ITGA6: variants seen among roughly 807,000 people sequenced by gnomAD.
ITGA6 encodes integrin subunit alpha 6.
A neutral mutation model predicts 133.6 loss-of-function variants in ITGA6; 63 were observed. The observed-to-expected ratio is 0.47, with a 90% CI of 0.38 to 0.58. The LOEUF (loss-of-function observed/expected upper bound fraction) is 0.58, where lower values mean the gene tolerates loss of function less well. ITGA6 is among the 20% of genes least tolerant of loss of function. The pLI is 0.00. For missense variants in ITGA6, 1,068 were observed against 1,309.4 expected, an observed-to-expected ratio of 0.82 and a Z score of 2.85; for synonymous variants, 434 against 482.0, an observed-to-expected ratio of 0.90 and a Z score of 1.30.
intron 11 of ITGA6, 102 bp from the exon 12 acceptor site, chr2:172,484,680 A>G (rs781334034): frequency 1.1e-4 from 102 of 946,248 alleles, no homozygotes; most frequent in Non-Finnish European, 1.5e-4. Flanking sequence ...AACAATGGCA[A>G]TGTTTTCTAC....
At chr2:172,432,805 T>G (rs576740679) in intron 1 of ITGA6, among the ~76,000 whole-genome samples, 1 of 152,254 alleles carries the variant, frequency 6.6e-6, no homozygotes, top group East Asian at 1.9e-4. Flanking sequence ...GGTGGTTGGT[T>G]GTTATGAGGC....
At chr2:172,454,230 C>T (rs531230162) in intron 1 of ITGA6, among the ~76,000 whole-genome samples, 3 of 151,890 alleles carry the variant, frequency 2.0e-5, no homozygotes, top group African/African-American at 4.8e-5. Context: ...ACTACAGGTG[C>T]GTGCCACCGT....
intron 3 of ITGA6, among the ~76,000 whole-genome samples, chr2:172,468,682 T>C (rs1257524285): frequency 6.6e-6 from 1 of 152,186 alleles, no homozygotes; most frequent in East Asian, 1.9e-4. Flanking sequence ...TAGCTGTGTT[T>C]GTTTGATCCC....
intron 1 of ITGA6, among the ~76,000 whole-genome samples, chr2:172,444,279 T>A (rs1389363168): frequency 6.6e-6 from 1 of 152,140 alleles, no homozygotes; most frequent in Non-Finnish European, 1.5e-5. Flanking sequence ...TTTCTGGAGG[T>A]AGTAGCTGCT....
chr2:172,478,392 A>G (rs1220124464), intron 9 of ITGA6, among the ~76,000 whole-genome samples: 1 of 152,198 alleles, frequency 6.6e-6, no homozygotes, highest in Non-Finnish European at 1.5e-5. Context: ...TGGGTTTACC[A>G]CAAGCCCATC....
In ITGA6 at chr2:172,463,167, C is replaced by T. The variant is rs1233535899; in HGVS notation, c.183-2372C>T. Reference sequence around the variant, plus strand: ...TTATTCATCCTAGGAGGCTCTTAATCAGCGTTTGTTGAGTGAATAGGTGAA... The same window carrying T: ...TTATTCATCCTAGGAGGCTCTTAATTAGCGTTTGTTGAGTGAATAGGTGAA... On this transcript the variant is annotated intron_variant, in intron 1 of 25. Coordinates refer to ENST00000684293, the MANE Select transcript of ITGA6 (RefSeq NM_000210.4). Among the ~76,000 whole-genome samples, 4 of 152,182 alleles carry T rather than the reference C, an allele frequency of 2.6e-5. No homozygotes were observed. The East Asian group carries it at 5.8e-4, about 22-fold the overall frequency.
chr2:172,457,965 G>A (rs1222489395), intron 1 of ITGA6, among the ~76,000 whole-genome samples: 1 of 152,084 alleles, frequency 6.6e-6, no homozygotes, highest in African/African-American at 2.4e-5. Flanking sequence ...AGTTCATCAT[G>A]TGCCCCTCCC....
In ITGA6 at chr2:172,505,594, C is replaced by A. The variant is rs941157155; in HGVS notation, c.*1526C>A. The A allele has an allele frequency of 1.3e-5, 2 of 152,368 alleles. No individual in the cohort carries two copies. The highest frequency in any genetic ancestry group is 4.8e-5 in the African/African-American group (2 of 41,360). 9.4% of individuals were successfully genotyped at this position (152,368 alleles called of 1,614,324 possible). A position where few individuals can be genotyped will look rare whatever the true frequency, so the allele number is the denominator to read the frequency against. ...TATGAAAGCTGATTTTTTTTAATTA[C>A]CATGCTTCACAATGTTAAGTTATAT... is the stretch of plus-strand genomic sequence containing the variant. On this transcript the variant is annotated 3_prime_UTR_variant, in exon 26 of 26. Transcript: ENST00000684293.
chr2:172,450,604 A>G (rs367901776), intron 1 of ITGA6, among the ~76,000 whole-genome samples: 8 of 152,196 alleles, frequency 5.3e-5, no homozygotes, highest in East Asian at 3.9e-4. Context: ...TGAAGAATCA[A>G]TGATGACTTC....
At chr2:172,462,902 T>A (rs141081232) in intron 1 of ITGA6, among the ~76,000 whole-genome samples, 130 of 152,274 alleles carry the variant, frequency 8.5e-4, no homozygotes, top group African/African-American at 3.1e-3. Context: ...GTCCCTCTTC[T>A]CCCTTTTCTC....
At chr2:172,457,238 T>C (rs1685244730) in intron 1 of ITGA6, among the ~76,000 whole-genome samples, 1 of 137,624 alleles carries the variant, frequency 7.3e-6, no homozygotes, top group Non-Finnish European at 1.5e-5. Flanking sequence ...GAGGTTGAAG[T>C]GAGCCGAGAT....
At chr2:172,446,832 C>T (rs2149010404) in intron 1 of ITGA6, among the ~76,000 whole-genome samples, 1 of 152,318 alleles carries the variant, frequency 6.6e-6, no homozygotes, top group East Asian at 1.9e-4. Context: ...TTTATTGTGG[C>T]TCTTTAAGAG....
At chr2:172,483,951 C>T (rs1339324020) in intron 11 of ITGA6, among the ~76,000 whole-genome samples, 4 of 152,176 alleles carry the variant, frequency 2.6e-5, no homozygotes, top group African/African-American at 9.7e-5. Flanking sequence ...GCTGGGATTA[C>T]AGGCATGCGC....
chr2:172,435,508 G>A (rs1157164585), intron 1 of ITGA6, among the ~76,000 whole-genome samples: 1 of 151,718 alleles, frequency 6.6e-6, no homozygotes, highest in Admixed American at 6.6e-5. Context: ...AGAGATTAGA[G>A]ATAGGTAGGA....
At chr2:172,447,986 A>G (rs1402428236) in intron 1 of ITGA6, among the ~76,000 whole-genome samples, 1 of 152,102 alleles carries the variant, frequency 6.6e-6, no homozygotes, top group African/African-American at 2.4e-5. Flanking sequence ...AAGTCCAGAC[A>G]CTCAGTCTGG....
intron 9 of ITGA6, among the ~76,000 whole-genome samples, chr2:172,477,831 T>G (rs1686243910): frequency 6.6e-6 from 1 of 152,230 alleles, no homozygotes; most frequent in Non-Finnish European, 1.5e-5. Flanking sequence ...GAGGACAGAA[T>G]GTAGCACCTA....
Position 172,504,482 on chromosome 2 carries a change from T to A in ITGA6, c.*414T>A, listed in dbSNP as rs562683262. On this transcript the variant is annotated 3_prime_UTR_variant, in exon 26 of 26. Coordinates refer to ENST00000684293, the MANE Select transcript of ITGA6 (RefSeq NM_000210.4). The stretch of plus-strand genomic sequence containing the variant: ...TGGATTTTTCTTTAACTGCCGTAAT[T>A]TAACTTTCTGGGTTGCCTTTATTTT... 7.8e-6 allele frequency: 3 copies of A among 386,746 alleles called. No individual in the cohort carries two copies. In the Admixed American group the frequency reaches 1.3e-4, roughly 17 times the overall value. The allele number at this position is 386,746 out of a possible 1,614,324, so 24.0% of individuals were successfully genotyped here.
intron 9 of ITGA6, 126 bp from the exon 10 acceptor site, chr2:172,479,515 A>C (rs1161344129): frequency 2.5e-6 from 2 of 792,564 alleles, no homozygotes; most frequent in Non-Finnish European, 4.5e-6. Flanking sequence ...GGAAAACGTC[A>C]CGTGTATTTT....
rs893584011 is a variant in ITGA6 at position 172,427,701 on chromosome 2, C to T, written c.-88C>T. 7.3e-6 allele frequency: 10 copies of T among 1,376,044 alleles called. No homozygotes were observed. The highest frequency in any genetic ancestry group is 3.8e-5 in the Admixed American group (1 of 26,028). 85.2% of individuals were successfully genotyped at this position (1,376,044 alleles called of 1,614,324 possible). A position where few individuals can be genotyped will look rare whatever the true frequency, so the allele number is the denominator to read the frequency against. On this transcript the variant is annotated 5_prime_UTR_variant, in exon 1 of 26. Transcript: ENST00000684293. ...CGGCGAGAGGAGGCGAAGGTGGCTGCGGTAGCAGCAGCGCGGCAGCCTCGG... is the reference window on the plus strand; with the variant it reads ...CGGCGAGAGGAGGCGAAGGTGGCTGTGGTAGCAGCAGCGCGGCAGCCTCGG...
Sources: allele counts gnomAD v4.1 joint callset (sites outside exome capture counted in the v4.1 genomes callset), GRCh38; gene constraint gnomAD v4.1.1; transcripts MANE v1.5; gene names NCBI Gene and HGNC (gene_info 2026-07-23, HGNC 2026-07-21).